Variants in PABPC3 observed in about 807,000 individuals in gnomAD.
PABPC3 encodes the protein polyadenylate-binding protein 3.
PABPC3 carries 43 observed loss-of-function variants against 43.0 expected under a neutral mutation model. That is an observed-to-expected ratio of 1.00 (90% CI 0.78 to 1.29). PABPC3 has a LOEUF of 1.29. PABPC3 is among the 50% of genes most tolerant of loss of function. PABPC3 has a pLI of 0.00. For synonymous variants in PABPC3, 221 were observed against 274.6 expected, an observed-to-expected ratio of 0.80 and a Z score of 1.93; for missense variants, 784 against 798.1, an observed-to-expected ratio of 0.98 and a Z score of 0.21.
In PABPC3 at chr13:25,096,684, C is replaced by A; in HGVS notation, c.486C>A (p.Leu162=). The A allele has an allele frequency of 6.2e-7, 1 of 1,614,258 alleles. No homozygotes were observed. Among genetic ancestry groups the A allele is most frequent in the Non-Finnish European group, 8.5e-7 (1 of 1,180,044 alleles). The change falls in exon 1 of 1, where the codon CTC becomes CTA. Residue 162 remains leucine (L), a synonymous_variant. Coordinates refer to ENST00000281589, the MANE Select transcript of PABPC3 (RefSeq NM_030979.3). ...CTATTAAAAAAATGAACGGAATGCT[C>A]CTAAATGGTCGCAAAGTATTTGTTG... The part of the protein sequence containing the change: ...ERAIKKMNGM[L]LNGRKVFVGQ...
Position 25,096,746 on chromosome 13 carries a change from T to C in PABPC3, c.548T>C (p.Leu183Pro), listed in dbSNP as rs1298638180. 2 of 1,614,306 alleles carry C rather than the reference T, an allele frequency of 1.2e-6. No individual in the cohort carries two copies. The highest frequency in any genetic ancestry group is 1.7e-6 in the Non-Finnish European group (2 of 1,180,058). The part of the protein sequence containing the change: ...FKSRKEREAE[L>P]GARAKEFPNV... ...TCTCGTAAAGAACGAGAAGCTGAAC[T>C]TGGAGCTAGGGCAAAAGAGTTCCCC... Residue 183 changes from leucine to proline, a missense_variant, in exon 1 of 1, where the codon CTT becomes CCT. Coordinates refer to ENST00000281589, the MANE Select transcript of PABPC3 (RefSeq NM_030979.3).
At position 25,097,817 on chromosome 13, in the gene PABPC3, T is replaced by C. The variant is rs763673146; in HGVS notation, c.1619T>C (p.Leu540Ser). 2.3e-5 allele frequency: 37 copies of C among 1,613,972 alleles called. 1 individual carries two copies. In the South Asian group the frequency reaches 4.1e-4, roughly 18 times the overall value. Residue 540 changes from leucine (L) to serine (S), a missense_variant, in exon 1 of 1, where the codon TTG becomes TCG. By Grantham distance (145) the Leu-to-Ser change is moderately radical (BLOSUM62 -2). Transcript: ENST00000281589. ...GTTCATGTACAAGGTCAGGAAACTT[T>C]GACTGCCTCCAGGTTGGCATCTGCC... ...LAVHVQGQET[L>S]TASRLASAPP...
chr13:25,096,408 C>G lies in PABPC3; in HGVS notation c.210C>G (p.Asp70Glu). ...QHTKDAEHAL[D>E]TMNFDVIKGK... ...CGAAGGACGCGGAGCATGCTCTGGACACCATGAATTTTGATGTTATAAAGG... is the reference window on the plus strand; with the variant it reads ...CGAAGGACGCGGAGCATGCTCTGGAGACCATGAATTTTGATGTTATAAAGG... The change falls in exon 1 of 1, where the codon GAC becomes GAG. Residue 70 changes from aspartate to glutamate, a missense_variant. Asp to Glu is a conservative substitution (Grantham distance 45). Coordinates refer to ENST00000281589, the MANE Select transcript of PABPC3 (RefSeq NM_030979.3). 1 of 1,614,204 alleles carries G rather than the reference C, an allele frequency of 6.2e-7. No individual in the cohort carries two copies. The highest frequency in any genetic ancestry group is 8.5e-7 in the Non-Finnish European group (1 of 1,180,044).
rs996067378 is a variant in PABPC3, at chr13:25,098,224, AG to A, written c.*132del. On this transcript the variant is annotated 3_prime_UTR_variant, in exon 1 of 1. Transcript: ENST00000281589. ...GCAAAATCTAAAATAAAAAATGGAAAGGAAACTTTGAACCTTATGTACCGAG... is the reference window on the plus strand; with the variant it reads ...GCAAAATCTAAAATAAAAAATGGAAAGAAACTTTGAACCTTATGTACCGAG... 3.2e-4 allele frequency: 265 copies of A among 835,496 alleles called. 2 individuals carry two copies. The African/African-American group carries it at 3.9e-3, about 12-fold the overall frequency. 51.8% of individuals were successfully genotyped at this position (835,496 alleles called of 1,614,324 possible).
Position 25,097,081 on chromosome 13 carries a change from A to C in PABPC3, c.883A>C (p.Asn295His). The C allele has an allele frequency of 6.2e-7, 1 of 1,614,306 alleles. No homozygotes were observed. ...QDRITRYQVV[N>H]LYVKNLDDGI... is the part of the protein sequence containing the mutation. ...TAGGATCACCAGATACCAGGTTGTT[A>C]ATCTTTATGTGAAAAATCTTGATGA... is the stretch of plus-strand genomic sequence containing the variant. Residue 295 changes from asparagine (N) to histidine (H), a missense_variant, in exon 1 of 1, where the codon AAT (asparagine) becomes CAT (histidine). Transcript: ENST00000281589.
Position 25,098,002 on chromosome 13 carries a change from G to C in PABPC3, c.1804G>C (p.Val602Leu). ...LESPESLRSK[V>L]DEAVAVLQAH... Reference sequence around the variant, plus strand: ...GTCTCCAGAGTCACTCCGTTCTAAGGTTGATGAAGCTGTAGCTGTACTACA... The same window carrying C: ...GTCTCCAGAGTCACTCCGTTCTAAGCTTGATGAAGCTGTAGCTGTACTACA... The change falls in exon 1 of 1, where the codon GTT becomes CTT. Residue 602 changes from valine (V) to leucine (L), a missense_variant. Physicochemically the swap from Val to Leu is conservative, Grantham distance 32 (BLOSUM62 1). Coordinates refer to ENST00000281589, the MANE Select transcript of PABPC3 (RefSeq NM_030979.3). The C allele has an allele frequency of 2.5e-6, 4 of 1,613,920 alleles. No individual in the cohort carries two copies. Among genetic ancestry groups the C allele is most frequent in the Non-Finnish European group, 3.4e-6 (4 of 1,179,874 alleles).
In PABPC3 at chr13:25,096,266, C is replaced by T; in HGVS notation, c.68C>T (p.Thr23Ile). 1 of 1,614,258 alleles carries T rather than the reference C, an allele frequency of 6.2e-7. No individual in the cohort carries two copies. The highest frequency in any genetic ancestry group is 8.5e-7 in the Non-Finnish European group (1 of 1,180,050). Residue 23 changes from threonine to isoleucine, a missense_variant, in exon 1 of 1, where the codon ACT becomes ATT. Physicochemically the swap from Thr to Ile is moderately conservative, Grantham distance 89. Transcript: ENST00000281589. ...GTGGGGGACCTCCACCCCGACGTGA[C>T]TGAGGCGATGCTCTACGAGAAGTTC... ...LYVGDLHPDV[T>I]EAMLYEKFSP...
rs1956066492 is a variant in PABPC3, at chr13:25,099,213, A to G, written c.*1119A>G. ...TGACATTGCACTACATAGAAATATA[A>G]TTATACCATATTACTTTGCAATAAA... is the stretch of plus-strand genomic sequence containing the variant. On this transcript the variant is annotated 3_prime_UTR_variant, in exon 1 of 1. Transcript: ENST00000281589. The G allele has an allele frequency of 6.0e-6, 1 of 165,888 alleles. No individual in the cohort carries two copies. Among genetic ancestry groups the G allele is most frequent in the Non-Finnish European group, 1.5e-5 (1 of 67,954 alleles). The allele number at this position is 165,888 out of a possible 1,614,324, so 10.3% of individuals were successfully genotyped here.
chr13:25,096,877 A>T lies in PABPC3; in HGVS notation c.679A>T (p.Ser227Cys). The change falls in exon 1 of 1, where the codon AGT (serine) becomes TGT (cysteine). Residue 227 changes from serine to cysteine, a missense_variant. Physicochemically the swap from Ser to Cys is moderately radical, Grantham distance 112. Coordinates refer to ENST00000281589, the MANE Select transcript of PABPC3 (RefSeq NM_030979.3). ...ALSVKVMTDESGKSKGFGFVS... is the reference protein window; with the variant it reads ...ALSVKVMTDECGKSKGFGFVS... ...AAGTGTGAAAGTAATGACCGATGAA[A>T]GTGGAAAATCCAAAGGATTTGGATT... The T allele has an allele frequency of 6.3e-7, 1 of 1,579,598 alleles. No individual in the cohort carries two copies. The highest frequency in any genetic ancestry group is 8.7e-7 in the Non-Finnish European group (1 of 1,153,130).
Position 25,096,458 on chromosome 13 carries a change from C to T in PABPC3, c.260C>T (p.Ser87Phe). 1 of 1,614,214 alleles carries T rather than the reference C, an allele frequency of 6.2e-7. No individual in the cohort carries two copies. The highest frequency in any genetic ancestry group is 8.5e-7 in the Non-Finnish European group (1 of 1,180,044). Reference sequence around the variant, plus strand: ...GGCAAGCCAGTACGCATCATGTGGTCTCAGCGTGATCCATCACTTCGAAAA... The same window carrying T: ...GGCAAGCCAGTACGCATCATGTGGTTTCAGCGTGATCCATCACTTCGAAAA... The part of the protein sequence containing the change: ...IKGKPVRIMW[S>F]QRDPSLRKSG... Residue 87 changes from serine (S) to phenylalanine (F), a missense_variant, in exon 1 of 1, where the codon TCT becomes TTT. Transcript: ENST00000281589.
chr13:25,097,392 T>G lies in PABPC3; in HGVS notation c.1194T>G (p.Pro398=). 1 of 1,613,990 alleles carries G rather than the reference T, an allele frequency of 6.2e-7. No individual in the cohort carries two copies. The highest frequency in any genetic ancestry group is 8.5e-7 in the Non-Finnish European group (1 of 1,180,012). Residue 398 remains proline, a synonymous_variant, in exon 1 of 1, where the codon CCT becomes CCG. Coordinates refer to ENST00000281589, the MANE Select transcript of PABPC3 (RefSeq NM_030979.3). The stretch of plus-strand genomic sequence containing the variant: ...GAGCTGTGCCCAACCAGCGAGCACC[T>G]CCTTCAGGTTACTTCATGACAGCTG... ...SVRAVPNQRA[P]PSGYFMTAVP...
Position 25,097,125 on chromosome 13 carries a change from T to C in PABPC3, c.927T>C (p.Arg309=), listed in dbSNP as rs1956045427. The change falls in exon 1 of 1, where the codon CGT becomes CGC. Residue 309 remains arginine, a synonymous_variant. Transcript: ENST00000281589. ...TTGATGATGGTATTGATGATGAACG[T>C]CTCCGGAAAGCGTTTTCTCCATTTG... The part of the protein sequence containing the change: ...KNLDDGIDDE[R]LRKAFSPFGT... The C allele has an allele frequency of 6.2e-7, 1 of 1,614,252 alleles. No homozygotes were observed. Among genetic ancestry groups the C allele is most frequent in the Non-Finnish European group, 8.5e-7 (1 of 1,180,052 alleles).
rs1364150847 is a variant in PABPC3, at chr13:25,097,729, G to A, written c.1531G>A (p.Gly511Arg). 1.9e-6 allele frequency: 3 copies of A among 1,613,960 alleles called. No individual in the cohort carries two copies. Among genetic ancestry groups the A allele is most frequent in the Non-Finnish European group, 2.5e-6 (3 of 1,179,988 alleles). Residue 511 changes from glycine to arginine, a missense_variant, in exon 1 of 1, where the codon GGA (glycine) becomes AGA (arginine). Transcript: ENST00000281589. ...GGTTCCACGGTATAAATATGCTGCG[G>A]GAGTTCGCAATCCTCAGCAACATCG... The part of the protein sequence containing the change: ...RTVPRYKYAA[G>R]VRNPQQHRNA...
chr13:25,097,720 T>C lies in PABPC3; in HGVS notation c.1522T>C (p.Tyr508His), dbSNP rs764806423. 1 of 1,613,908 alleles carries C rather than the reference T, an allele frequency of 6.2e-7. No individual in the cohort carries two copies. Among genetic ancestry groups the C allele is most frequent in the Admixed American group, 1.7e-5 (1 of 60,004 alleles). The stretch of plus-strand genomic sequence containing the variant: ...TGTGCGCACGGTTCCACGGTATAAA[T>C]ATGCTGCGGGAGTTCGCAATCCTCA... ...PAVRTVPRYK[Y>H]AAGVRNPQQH... The change falls in exon 1 of 1, where the codon TAT becomes CAT. Residue 508 changes from tyrosine to histidine, a missense_variant. By Grantham distance (83) the Tyr-to-His change is moderately conservative. Coordinates refer to ENST00000281589, the MANE Select transcript of PABPC3 (RefSeq NM_030979.3).
Position 25,096,499 on chromosome 13 carries a change from A to T in PABPC3, c.301A>T (p.Ile101Leu). The change falls in exon 1 of 1, where the codon ATA (isoleucine) becomes TTA (leucine). Residue 101 changes from isoleucine to leucine, a missense_variant. Physicochemically the swap from Ile to Leu is conservative, Grantham distance 5. Coordinates refer to ENST00000281589, the MANE Select transcript of PABPC3 (RefSeq NM_030979.3). ...ACTTCGAAAAAGTGGAGTGGGCAAC[A>T]TATTCGTTAAAAATCTGGATAAGTC... Reference protein sequence around the residue: ...PSLRKSGVGNIFVKNLDKSIN... With the variant: ...PSLRKSGVGNLFVKNLDKSIN... 6.2e-7 allele frequency: 1 copy of T among 1,614,238 alleles called. No individual in the cohort carries two copies. The highest frequency in any genetic ancestry group is 1.1e-5 in the South Asian group (1 of 91,086).
In PABPC3 at chr13:25,097,013, G is replaced by A; in HGVS notation, c.815G>A (p.Arg272Gln). 7.7e-6 allele frequency: 7 copies of A among 909,986 alleles called. No homozygotes were observed. Among genetic ancestry groups the A allele is most frequent in the Non-Finnish European group, 7.6e-6 (6 of 784,584 alleles). 56.4% of individuals were successfully genotyped at this position (909,986 alleles called of 1,614,324 possible). A position where few individuals can be genotyped will look rare whatever the true frequency, so the allele number is the denominator to read the frequency against. The change falls in exon 1 of 1, where the codon CGG (arginine) becomes CAG (glutamine). Residue 272 changes from arginine (R) to glutamine (Q), a missense_variant. Transcript: ENST00000281589. ...GGTCGAGCTCAGAAAAAAGTGGAACGGCAGACGGAACTTAAGCGCACATTT... is the reference window on the plus strand; with the variant it reads ...GGTCGAGCTCAGAAAAAAGTGGAACAGCAGACGGAACTTAAGCGCACATTT... ...YVGRAQKKVE[R>Q]QTELKRTFEQ...
In PABPC3 at chr13:25,096,548, A is replaced by G. The variant is rs758703376; in HGVS notation, c.350A>G (p.Asp117Gly). The change falls in exon 1 of 1, where the codon GAT (aspartate) becomes GGT (glycine). Residue 117 changes from aspartate to glycine, a missense_variant. Physicochemically the swap from Asp to Gly is moderately conservative, Grantham distance 94. Transcript: ENST00000281589. ...TCCATTAATAATAAAGCACTGTATG[A>G]TACAGTTTCTGCTTTTGGTAACATC... ...DKSINNKALY[D>G]TVSAFGNILS... 1.9e-6 allele frequency: 3 copies of G among 1,614,236 alleles called. No individual in the cohort carries two copies. The highest frequency in any genetic ancestry group is 1.7e-6 in the Non-Finnish European group (2 of 1,180,036).
Position 25,097,646 on chromosome 13 carries a change from C to G in PABPC3, c.1448C>G (p.Thr483Arg), listed in dbSNP as rs1379024814. 1.2e-6 allele frequency: 2 copies of G among 1,614,078 alleles called. No homozygotes were observed. The highest frequency in any genetic ancestry group is 1.7e-6 in the Non-Finnish European group (2 of 1,180,020). The stretch of plus-strand genomic sequence containing the variant: ...CGTGTTGCTAACACATCAACACAGA[C>G]AGTGGGTCCACGTCCTGCAGCTGCT... ...TQRVANTSTQ[T>R]VGPRPAAAAA... is the part of the protein sequence containing the mutation. The change falls in exon 1 of 1, where the codon ACA becomes AGA. Residue 483 changes from threonine to arginine, a missense_variant. Thr to Arg is a moderately conservative substitution (Grantham distance 71, BLOSUM62 -1). Coordinates refer to ENST00000281589, the MANE Select transcript of PABPC3 (RefSeq NM_030979.3).
In PABPC3 at chr13:25,097,128, C is replaced by T. The variant is rs1487993543; in HGVS notation, c.930C>T (p.Leu310=). Residue 310 remains leucine (L), a synonymous_variant, in exon 1 of 1, where the codon CTC becomes CTT. Transcript: ENST00000281589. ...ATGATGGTATTGATGATGAACGTCT[C>T]CGGAAAGCGTTTTCTCCATTTGGTA... ...NLDDGIDDER[L]RKAFSPFGTI... 6.2e-7 allele frequency: 1 copy of T among 1,613,820 alleles called. No homozygotes were observed. The highest frequency in any genetic ancestry group is 1.3e-5 in the African/African-American group (1 of 74,852).
Sources: gnomAD v4.1 joint callset for allele counts on GRCh38, gnomAD v4.1.1 for gene constraint, MANE v1.5 for transcripts, NCBI Gene and HGNC (gene_info 2026-07-23, HGNC 2026-07-21) for gene names.